The following SLC35E4 variants were observed in gnomAD, a reference collection of about 807,000 sequenced individuals.
The protein encoded by SLC35E4 is solute carrier family 35, member E4.
In SLC35E4, 15 loss-of-function variants were observed where a neutral mutation model predicts 19.3. The ratio of observed to expected loss-of-function variants is 0.78; its 90% CI spans 0.52 to 1.20. SLC35E4 has a LOEUF of 1.20. Ranked by LOEUF, SLC35E4 falls within the 50% of genes most tolerant of loss-of-function variation. SLC35E4 has a pLI of 0.00. For missense variants in SLC35E4, 406 were observed against 472.3 expected, an observed-to-expected ratio of 0.86 and a Z score of 1.30; for synonymous variants, 219 against 219.9, an observed-to-expected ratio of 1.00 and a Z score of 0.04.
At chr22:30,648,479 C>T (rs1440348188), downstream of SLC35E4, among the ~76,000 whole-genome samples, 4 of 152,170 alleles carry the variant, frequency 2.6e-5, no homozygotes, top group East Asian at 1.9e-4. Context: ...AGGCCGGGCG[C>T]GGTGGCTCAC....
intron 2 of SLC35E4, among the ~76,000 whole-genome samples, chr22:30,655,019 G>A (rs1450375646): frequency 6.6e-6 from 1 of 152,178 alleles, no homozygotes; most frequent in Non-Finnish European, 1.5e-5. Flanking sequence ...TGCAGAGGGA[G>A]CAGTAGGATT....
At chr22:30,645,655 G>T (rs1018382635) in intron 1 of SLC35E4, among the ~76,000 whole-genome samples, 6 of 149,024 alleles carry the variant, frequency 4.0e-5, no homozygotes, top group African/African-American at 1.5e-4. Context: ...AGCCCCTGAA[G>T]ATTTATTTTT....
downstream of SLC35E4, chr22:30,663,895 T>A (rs1400268692): frequency 6.2e-7 from 1 of 1,614,086 alleles, no homozygotes; most frequent in East Asian, 2.2e-5. Context: ...ATGAGCTTGT[T>A]GTTGGCGGCC....
chr22:30,637,372 G>C (rs1223494891), intron 1 of SLC35E4, among the ~76,000 whole-genome samples: 1 of 152,142 alleles, frequency 6.6e-6, no homozygotes, highest in Non-Finnish European at 1.5e-5. Context: ...CCGCATCCTG[G>C]GTTCAAGTGA....
At chr22:30,668,492 C>G (rs1442800764) in exon 3 of SLC35E4, 2 of 152,616 alleles carry the variant, frequency 1.3e-5, no homozygotes, top group African/African-American at 4.8e-5. Context: ...GAAGCCGGAA[C>G]TCCCTCGCCT....
At chr22:30,660,036 C>T (rs147849187) in intron 2 of SLC35E4, among the ~76,000 whole-genome samples, 133 of 152,332 alleles carry the variant, frequency 8.7e-4, no homozygotes, top group Middle Eastern at 6.8e-3. Flanking sequence ...AACTGCAATA[C>T]ACTAAATTCA....
chr22:30,637,080 G>A lies in SLC35E4; in HGVS notation c.619+11G>A, dbSNP rs1348257172. On this transcript the variant is annotated intron_variant, in intron 1 of 1. Coordinates refer to ENST00000343605, the MANE Select transcript of SLC35E4 (RefSeq NM_001001479.4). ...AGTCGGTTCAGCAAAGTAAGTGCCT[G>A]GGTGGCCAATTGAGAAGGTGGGGGT... 6.5e-7 allele frequency: 1 copy of A among 1,548,368 alleles called. No homozygotes were observed. Among genetic ancestry groups the A allele is most frequent in the Non-Finnish European group, 8.7e-7 (1 of 1,143,380 alleles).
At chr22:30,654,182 C>A (rs1427083883) in intron 2 of SLC35E4, 2 of 254,888 alleles carry the variant, frequency 7.8e-6, no homozygotes, top group South Asian at 4.0e-5. Flanking sequence ...GACTGGGTTT[C>A]ACCATGTTAG....
At chr22:30,638,363 G>A (rs953469266) in intron 1 of SLC35E4, among the ~76,000 whole-genome samples, 1 of 151,674 alleles carries the variant, frequency 6.6e-6, no homozygotes, top group East Asian at 1.9e-4. Flanking sequence ...TTAACCGGGC[G>A]CCATGGCAGG....
At chr22:30,638,501 CAAAAAA>C (rs33962458) in intron 1 of SLC35E4, among the ~76,000 whole-genome samples, 6 of 64,124 alleles carry the variant, frequency 9.4e-5, no homozygotes, top group African/African-American at 1.9e-4. Context: ...GACTCCATCT[CAAAAAA>C]AAAAAAAAAA....
At chr22:30,666,949 G>A (rs1178029529), downstream of SLC35E4, 1 of 152,148 alleles carries the variant, frequency 6.6e-6, no homozygotes, top group Non-Finnish European at 1.5e-5. Flanking sequence ...CTGTGAAAGG[G>A]AAGTGTAAAA....
At chr22:30,665,606 G>A (rs190238413), downstream of SLC35E4, 17 of 465,578 alleles carry the variant, frequency 3.7e-5, no homozygotes, top group Middle Eastern at 6.5e-4. Context: ...CCTCCCTCAC[G>A]TTTGACCAAC....
At chr22:30,637,452 ATTT>A (rs754974551) in intron 1 of SLC35E4, among the ~76,000 whole-genome samples, 9 of 152,078 alleles carry the variant, frequency 5.9e-5, no homozygotes, top group Non-Finnish European at 1.2e-4. Flanking sequence ...TAATTTTTGT[ATTT>A]TTAGTAGAGA....
chr22:30,666,566 G>C (rs2088672689), downstream of SLC35E4, among the ~76,000 whole-genome samples: 1 of 132,530 alleles, frequency 7.5e-6, no homozygotes, highest in Non-Finnish European at 1.5e-5. Flanking sequence ...AGGCTGCAGT[G>C]AGCCAAGATC....
chr22:30,643,532 T>C (rs55993542), intron 1 of SLC35E4, among the ~76,000 whole-genome samples: 18,518 of 151,926 alleles, frequency 0.12, 2,489 homozygotes, highest in African/African-American at 0.34. Flanking sequence ...GATCTGGGAA[T>C]GGGAAACAGG....
chr22:30,656,076 C>T (rs950108020), intron 2 of SLC35E4, among the ~76,000 whole-genome samples: 43 of 151,988 alleles, frequency 2.8e-4, no homozygotes, highest in African/African-American at 9.6e-4. Context: ...TGGGCTCAAG[C>T]GATCCTCCCA....
At position 30,639,189 on chromosome 22, in the gene SLC35E4, G is replaced by A. The variant is rs188141058; in HGVS notation, c.619+2120G>A. ...ATTTTAAAGCTGGGTGTCCGGGGGA[G>A]ACATCATATGTCGGCAGGTTCCGTG... On this transcript the variant is annotated intron_variant, in intron 1 of 1. Coordinates refer to ENST00000343605, the MANE Select transcript of SLC35E4 (RefSeq NM_001001479.4). Among the ~76,000 whole-genome samples, 529 of 152,234 alleles carry A rather than the reference G, an allele frequency of 3.5e-3. 4 individuals carry two copies. The highest frequency in any genetic ancestry group is 0.012 in the African/African-American group (495 of 41,526).
At chr22:30,651,419 ATATATATATTTTTTTTTTTTTT>A (rs1205898102), downstream of SLC35E4, among the ~76,000 whole-genome samples, 31 of 64,332 alleles carry the variant, frequency 4.8e-4, no homozygotes, top group South Asian at 5.9e-3. Context: ...ATATATATAT[ATATATATATTTTTTTTTTTTTT>A]TTTTTTTTTT....
Position 30,636,894 on chromosome 22 carries a change from G to T in SLC35E4, c.444G>T (p.Leu148=). 6.2e-7 allele frequency: 1 copy of T among 1,612,206 alleles called. No homozygotes were observed. Among genetic ancestry groups the T allele is most frequent in the Non-Finnish European group, 8.5e-7 (1 of 1,179,388 alleles). The change falls in exon 1 of 2, where the codon CTG becomes CTT. Residue 148 remains leucine (L), a synonymous_variant. Transcript: ENST00000343605. ...CTACCACCACACCTCTGTTCACCCT[G>T]GCCCTGTCGGCGCTGCTGCTGGGCC... is the stretch of plus-strand genomic sequence containing the variant. ...LVTTTTPLFT[L]ALSALLLGRR... is the part of the protein sequence containing the mutation.
Sources: allele counts gnomAD v4.1 joint callset (sites outside exome capture counted in the v4.1 genomes callset), GRCh38; gene constraint gnomAD v4.1.1; transcripts MANE v1.5; gene names NCBI Gene and HGNC (gene_info 2026-07-23, HGNC 2026-07-21).